Variants in GRXCR2 observed in about 807,000 individuals in gnomAD.
GRXCR2 encodes the protein glutaredoxin and cysteine rich domain containing 2.
Under a neutral mutation model 24.8 loss-of-function variants are expected in GRXCR2, and 23 were observed. The ratio of observed to expected loss-of-function variants is 0.93; its 90% CI spans 0.67 to 1.32. The LOEUF (loss-of-function observed/expected upper bound fraction) is 1.32. Ranked by LOEUF, GRXCR2 falls within the 40% of genes most tolerant of loss-of-function variation. The pLI, the probability that GRXCR2 is intolerant of heterozygous loss-of-function variation, is 0.00. For missense variants in GRXCR2, 315 were observed against 303.4 expected, an observed-to-expected ratio of 1.04 and a Z score of -0.28; for synonymous variants, 130 against 116.1, an observed-to-expected ratio of 1.12 and a Z score of -0.77.
intron 2 of GRXCR2, among the ~76,000 whole-genome samples, chr5:145,905,270 TTC>T (rs1417419145): frequency 1.3e-5 from 2 of 152,236 alleles, no homozygotes; most frequent in Non-Finnish European, 2.9e-5. Context: ...TTATCAGAGA[TTC>T]TGTTTCTTTA....
At chr5:145,891,452 A>G (rs1171943597) in intron 2 of GRXCR2, among the ~76,000 whole-genome samples, 1 of 152,210 alleles carries the variant, frequency 6.6e-6, no homozygotes, top group Non-Finnish European at 1.5e-5. Flanking sequence ...GTACTTTTCC[A>G]ACAATCTTAG....
intron 2 of GRXCR2, among the ~76,000 whole-genome samples, chr5:145,898,352 C>G (rs1421237824): frequency 6.9e-4 from 105 of 151,430 alleles, no homozygotes; most frequent in Non-Finnish European, 1.6e-4. Context: ...CCAAATCTAC[C>G]AAATGTTCAA....
chr5:145,926,061 C>A (rs550542080), intron 2 of GRXCR2, among the ~76,000 whole-genome samples: 2 of 151,948 alleles, frequency 1.3e-5, no homozygotes, highest in East Asian at 3.9e-4. Flanking sequence ...AAGGTTGCAT[C>A]CTGCTCCTGG....
At chr5:145,927,132 A>G (rs552361755) in intron 2 of GRXCR2, among the ~76,000 whole-genome samples, 1 of 152,302 alleles carries the variant, frequency 6.6e-6, no homozygotes, top group Non-Finnish European at 1.5e-5. Context: ...TTTTGAGCTG[A>G]GACGATGGGG....
At chr5:145,875,686 G>A (rs1243678844), upstream of GRXCR2, among the ~76,000 whole-genome samples, 2 of 152,016 alleles carry the variant, frequency 1.3e-5, no homozygotes, top group Non-Finnish European at 2.9e-5. Flanking sequence ...AAGAACTAGG[G>A]AAACAATGTT....
intron 2 of GRXCR2, among the ~76,000 whole-genome samples, chr5:145,905,129 C>G (rs920331282): frequency 6.6e-6 from 1 of 152,188 alleles, no homozygotes; most frequent in Non-Finnish European, 1.5e-5. Context: ...TACCACCAAT[C>G]AACCAATAAA....
At chr5:145,884,834 C>T (rs393371) in intron 2 of GRXCR2, among the ~76,000 whole-genome samples, 107,919 of 152,042 alleles carry the variant, frequency 0.71, 39,249 homozygotes, top group African/African-American at 0.87. Context: ...CCTAGTGTAT[C>T]CTGAATCTTT....
intron 2 of GRXCR2, among the ~76,000 whole-genome samples, chr5:145,885,504 G>A (rs1209770546): frequency 6.6e-6 from 1 of 152,172 alleles, no homozygotes; most frequent in Non-Finnish European, 1.5e-5. Context: ...GTAGGATCAA[G>A]GGGCTCTGCT....
intron 2 of GRXCR2, among the ~76,000 whole-genome samples, chr5:145,893,135 C>T (rs1756895586): frequency 6.6e-6 from 1 of 152,104 alleles, no homozygotes; most frequent in South Asian, 2.1e-4. Flanking sequence ...GAAGGAAGCA[C>T]TAAATATGGA....
In GRXCR2 at chr5:145,896,018, A is replaced by G. The variant is rs572538499; in HGVS notation, c.-69-29290T>C. On this transcript the variant is annotated intron_variant, in intron 2 of 3. Transcript: ENST00000639411. ...CTGATCTTTGACAAACCTGACAAAA[A>G]CAAGAAATGGGGAAAGGATTCCCTA... Among the ~76,000 whole-genome samples, 129 of 152,342 alleles carry G rather than the reference A, an allele frequency of 8.5e-4. 1 individual carries two copies. Among genetic ancestry groups the G allele is most frequent in the African/African-American group, 3.0e-3 (126 of 41,564 alleles).
intron 2 of GRXCR2, among the ~76,000 whole-genome samples, chr5:145,929,199 C>CATATATATATA (rs373040257): frequency 8.6e-6 from 1 of 116,508 alleles, no homozygotes; most frequent in Non-Finnish European, 1.8e-5. Context: ...ATATTCCCCC[C>CATATATATATA]TATATATATA....
intron 2 of GRXCR2, among the ~76,000 whole-genome samples, chr5:145,914,549 G>A (rs532481682): frequency 4.3e-4 from 65 of 151,670 alleles, no homozygotes; most frequent in Middle Eastern, 3.4e-3. Context: ...GGTGGTGTGC[G>A]CTTATAATCT....
chr5:145,875,979 C>T (rs539178413), upstream of GRXCR2, among the ~76,000 whole-genome samples: 2 of 151,878 alleles, frequency 1.3e-5, no homozygotes, highest in East Asian at 2.0e-4. Context: ...GCCTGGGCAA[C>T]AAAATGAGAC....
chr5:145,913,582 G>T (rs529474078), intron 2 of GRXCR2, among the ~76,000 whole-genome samples: 2 of 152,162 alleles, frequency 1.3e-5, no homozygotes, highest in African/African-American at 4.8e-5. Context: ...ATACATTGCC[G>T]GAAATTTTCT....
intron 2 of GRXCR2, among the ~76,000 whole-genome samples, chr5:145,894,822 C>T (rs183940781): frequency 6.6e-6 from 1 of 151,958 alleles, no homozygotes. Flanking sequence ...CTGGCAGAGA[C>T]CCAATTAAAA....
At chr5:145,888,337 C>T (rs1032325410) in intron 2 of GRXCR2, among the ~76,000 whole-genome samples, 2 of 152,096 alleles carry the variant, frequency 1.3e-5, no homozygotes, top group South Asian at 4.2e-4. Context: ...ACAGCAGCAA[C>T]CCAAACAATG....
intron 2 of GRXCR2, among the ~76,000 whole-genome samples, chr5:145,898,863 T>A (rs974697669): frequency 6.6e-6 from 1 of 151,608 alleles, no homozygotes; most frequent in African/African-American, 2.4e-5. Context: ...CTTGAAGATG[T>A]CCACACTCAC....
chr5:145,922,423 C>T (rs1757335022), intron 2 of GRXCR2, among the ~76,000 whole-genome samples: 1 of 152,138 alleles, frequency 6.6e-6, no homozygotes, highest in African/African-American at 2.4e-5. Context: ...ATGTGCTGAC[C>T]GTCATTACAT....
intron 2 of GRXCR2, among the ~76,000 whole-genome samples, chr5:145,902,958 C>T (rs1757043969): frequency 6.6e-6 from 1 of 152,198 alleles, no homozygotes; most frequent in Non-Finnish European, 1.5e-5. Context: ...ACAGTCTAAC[C>T]TTATAGAGCT....
Sources: gnomAD v4.1 joint callset for allele counts (sites outside exome capture counted in the v4.1 genomes callset) on GRCh38, gnomAD v4.1.1 for gene constraint, MANE v1.5 for transcripts, NCBI Gene and HGNC (gene_info 2026-07-23, HGNC 2026-07-21) for gene names.